The following WIPF1 variants were observed in gnomAD, a reference collection of about 807,000 sequenced individuals.
The protein encoded by WIPF1 is WAS/WASL-interacting protein family member 1.
WIPF1 carries 13 observed loss-of-function variants against 35.4 expected under a neutral mutation model. That is an observed-to-expected ratio of 0.37 (90% CI 0.24 to 0.58). The LOEUF (loss-of-function observed/expected upper bound fraction) is 0.58. Among genes scored for constraint, WIPF1 ranks in the 20% least tolerant of loss-of-function variants. The pLI, the probability that WIPF1 is intolerant of heterozygous loss-of-function variation, is 0.74. For synonymous variants in WIPF1, 267 were observed against 266.3 expected (o/e 1.00, Z -0.02); for missense variants, 591 against 667.0 (o/e 0.89, Z 1.25).
At chr2:174,636,622 T>A (rs1255693680) in intron 1 of WIPF1, among the ~76,000 whole-genome samples, 2 of 152,238 alleles carry the variant, frequency 1.3e-5, no homozygotes, top group African/African-American at 2.4e-5. Context: ...GGACTCCACA[T>A]TACATTTAGT....
At chr2:174,597,526 T>C (rs1315692806) in intron 1 of WIPF1, 75 bp downstream of exon 1, 1 of 152,424 alleles carries the variant, frequency 6.6e-6, no homozygotes, top group Non-Finnish European at 1.5e-5. Flanking sequence ...CATACTATGG[T>C]CCATTAAAAG....
intron 1 of WIPF1, among the ~76,000 whole-genome samples, chr2:174,608,618 T>C (rs983057613): frequency 3.3e-5 from 5 of 152,178 alleles, no homozygotes; most frequent in East Asian, 1.9e-4. Flanking sequence ...ATGTGAATGA[T>C]AGAAAGAGGC....
intron 3 of WIPF1, among the ~76,000 whole-genome samples, chr2:174,575,822 A>T (rs555730540): frequency 1.3e-5 from 2 of 152,112 alleles, no homozygotes; most frequent in Non-Finnish European, 2.9e-5. Flanking sequence ...AGCCTGGGTG[A>T]CAGTGAGACC....
chr2:174,582,398 T>G (rs1029983006), intron 2 of WIPF1, among the ~76,000 whole-genome samples: 1 of 152,208 alleles, frequency 6.6e-6, no homozygotes, highest in Non-Finnish European at 1.5e-5. Flanking sequence ...CTTGTCTGTC[T>G]CAGGGAGAGT....
At chr2:174,618,749 A>C (rs990974023) in intron 1 of WIPF1, among the ~76,000 whole-genome samples, 2 of 152,178 alleles carry the variant, frequency 1.3e-5, no homozygotes, top group African/African-American at 4.8e-5. Context: ...TTTAAGCTCA[A>C]GTGGTCTGGC....
At chr2:174,652,795 A>G (rs559797264) in intron 1 of WIPF1, among the ~76,000 whole-genome samples, 2 of 151,948 alleles carry the variant, frequency 1.3e-5, no homozygotes, top group East Asian at 3.9e-4. Context: ...TCCATTTAAA[A>G]AAAAAAAAAA....
chr2:174,651,059 G>C (rs558996111), intron 1 of WIPF1, among the ~76,000 whole-genome samples: 1 of 152,180 alleles, frequency 6.6e-6, no homozygotes, highest in Admixed American at 6.5e-5. Flanking sequence ...ACAACTTCTC[G>C]GAAGAGATCT....
chr2:174,562,913 T>C (rs1350137020), intron 7 of WIPF1, among the ~76,000 whole-genome samples: 2 of 152,194 alleles, frequency 1.3e-5, no homozygotes, highest in South Asian at 2.1e-4. Context: ...AACAAAGAAC[T>C]CACCCATTCC....
chr2:174,631,655 T>C (rs1252116599), intron 1 of WIPF1, among the ~76,000 whole-genome samples: 2 of 152,194 alleles, frequency 1.3e-5, no homozygotes, highest in Non-Finnish European at 2.9e-5. Flanking sequence ...TCTTAGTATT[T>C]CCCAATATGA....
intron 1 of WIPF1, among the ~76,000 whole-genome samples, chr2:174,595,863 T>C (rs1021358527): frequency 6.6e-6 from 1 of 152,236 alleles, no homozygotes; most frequent in African/African-American, 2.4e-5. Flanking sequence ...AACAAGCACA[T>C]GTTTAACAAT....
intron 1 of WIPF1, among the ~76,000 whole-genome samples, chr2:174,675,575 A>G (rs1688112011): frequency 1.3e-5 from 2 of 152,188 alleles, no homozygotes; most frequent in South Asian, 4.2e-4. Context: ...GCTGGTCTCG[A>G]TCTCCTGGGT....
At chr2:174,569,994 C>G (rs940467400) in intron 5 of WIPF1, among the ~76,000 whole-genome samples, 1 of 152,214 alleles carries the variant, frequency 6.6e-6, no homozygotes, top group Non-Finnish European at 1.5e-5. Context: ...GTTTACTATG[C>G]ACACTCACTG....
chr2:174,604,391 A>G (rs1686093966), intron 1 of WIPF1, among the ~76,000 whole-genome samples: 1 of 152,220 alleles, frequency 6.6e-6, no homozygotes, highest in Non-Finnish European at 1.5e-5. Flanking sequence ...TATATGCGCA[A>G]TGCTTACACA....
chr2:174,580,496 T>A (rs1685200235), intron 3 of WIPF1, among the ~76,000 whole-genome samples: 1 of 152,210 alleles, frequency 6.6e-6, no homozygotes, highest in African/African-American at 2.4e-5. Flanking sequence ...TTGACAAAGA[T>A]CCATCTGGTG....
chr2:174,669,987 AAGG>A (rs1328941055), intron 1 of WIPF1, among the ~76,000 whole-genome samples: 3 of 152,208 alleles, frequency 2.0e-5, no homozygotes, highest in Non-Finnish European at 4.4e-5. Flanking sequence ...AGGACATGAC[AAGG>A]AGTTTTCAAG....
intron 1 of WIPF1, among the ~76,000 whole-genome samples, chr2:174,610,612 A>C (rs529426358): frequency 1.7e-4 from 26 of 152,306 alleles, no homozygotes; most frequent in Admixed American, 1.2e-3. Context: ...AAAACAAAAA[A>C]CACACAAAAA....
intron 4 of WIPF1, among the ~76,000 whole-genome samples, chr2:174,573,691 C>A (rs571107853): frequency 6.6e-6 from 1 of 152,144 alleles, no homozygotes; most frequent in Non-Finnish European, 1.5e-5. Flanking sequence ...GCTTCAAGTT[C>A]AAAAACGGGC....
chr2:174,603,367 T>G (rs1289632954), intron 1 of WIPF1, among the ~76,000 whole-genome samples: 1 of 152,196 alleles, frequency 6.6e-6, no homozygotes, highest in Non-Finnish European at 1.5e-5. Flanking sequence ...GTACTAGAAG[T>G]GAGTGTTGAA....
chr2:174,580,284 C>T (rs1685193552), intron 3 of WIPF1, among the ~76,000 whole-genome samples: 1 of 152,136 alleles, frequency 6.6e-6, no homozygotes. Flanking sequence ...CATTCTCACT[C>T]GCAGCACTTT....
Sources: gnomAD v4.1 joint callset for allele counts (sites outside exome capture counted in the v4.1 genomes callset) on GRCh38, gnomAD v4.1.1 for gene constraint, MANE v1.5 for transcripts, NCBI Gene and HGNC (gene_info 2026-07-23, HGNC 2026-07-21) for gene names.